The following ERC1 variants were observed in gnomAD, a reference collection of about 807,000 sequenced individuals.
ERC1 encodes ELKS/RAB6-interacting/CAST family member 1.
Under a neutral mutation model 132.0 loss-of-function variants are expected in ERC1, and 56 were observed. The observed-to-expected ratio is 0.42, with a 90% CI of 0.34 to 0.53. ERC1 has a LOEUF of 0.53. ERC1 is among the 20% of genes least tolerant of loss of function. The pLI is 0.03. For missense variants in ERC1, 1,202 were observed against 1,349.9 expected (o/e 0.89, Z 1.72); for synonymous variants, 478 against 476.1 (o/e 1.00, Z -0.05).
chr12:1,105,094 A>G (rs956751042), intron 4 of ERC1, among the ~76,000 whole-genome samples: 1 of 152,212 alleles, frequency 6.6e-6, no homozygotes, highest in African/African-American at 2.4e-5. Flanking sequence ...GGACCCCTTT[A>G]TTCTCTTAAA....
chr12:1,310,878 G>T (rs1464981466), intron 15 of ERC1, among the ~76,000 whole-genome samples: 1 of 152,256 alleles, frequency 6.6e-6, no homozygotes, highest in Non-Finnish European at 1.5e-5. Context: ...CTGCATAACT[G>T]CAGGCTTCTT....
At chr12:1,194,223 C>T (rs1452865076) in intron 12 of ERC1, among the ~76,000 whole-genome samples, 1 of 152,108 alleles carries the variant, frequency 6.6e-6, no homozygotes, top group East Asian at 1.9e-4. Context: ...GAGTTTGAGA[C>T]CAGCCTGGCC....
At chr12:1,183,489 G>GTT in intron 11 of ERC1, 68 bp downstream of exon 11, 2 of 1,053,820 alleles carry the variant, frequency 1.9e-6, no homozygotes, top group Non-Finnish European at 2.7e-6. Flanking sequence ...ACCTTAGCAT[G>GTT]TTTATATGGA....
At chr12:1,048,263 A>C (rs1264465013) in intron 2 of ERC1, among the ~76,000 whole-genome samples, 1 of 152,250 alleles carries the variant, frequency 6.6e-6, no homozygotes, top group Non-Finnish European at 1.5e-5. Context: ...CATTCCATCC[A>C]TAACCTTGAC....
chr12:1,314,444 A>G (rs2081543748), intron 15 of ERC1, among the ~76,000 whole-genome samples: 1 of 152,206 alleles, frequency 6.6e-6, no homozygotes, highest in Admixed American at 6.5e-5. Flanking sequence ...AGAAACAAGT[A>G]TTTGAGTGTA....
At chr12:1,071,287 G>T (rs924577138) in intron 2 of ERC1, among the ~76,000 whole-genome samples, 2 of 152,218 alleles carry the variant, frequency 1.3e-5, no homozygotes, top group African/African-American at 4.8e-5. Context: ...GCAGTTTTCA[G>T]TGTTGCTTCT....
chr12:1,480,877 C>CT (rs914297015), intron 18 of ERC1: 4 of 702,304 alleles, frequency 5.7e-6, no homozygotes, highest in African/African-American at 5.2e-5. Flanking sequence ...GAAAAACTGC[C>CT]TTTTTTCATG....
chr12:1,106,494 C>T (rs1945280353), intron 4 of ERC1, among the ~76,000 whole-genome samples: 1 of 151,600 alleles, frequency 6.6e-6, no homozygotes, highest in Non-Finnish European at 1.5e-5. Context: ...GTTATGGGAA[C>T]TGTTGTCTTA....
intron 8 of ERC1, among the ~76,000 whole-genome samples, chr12:1,157,255 C>T (rs1316239161): frequency 6.6e-6 from 1 of 152,200 alleles, no homozygotes; most frequent in Non-Finnish European, 1.5e-5. Context: ...GCCGCACACA[C>T]CACCATGTCC....
chr12:1,246,163 A>G (rs1361437158), intron 13 of ERC1, among the ~76,000 whole-genome samples: 1 of 152,196 alleles, frequency 6.6e-6, no homozygotes, highest in Non-Finnish European at 1.5e-5. Flanking sequence ...ATGCATATAC[A>G]TGTCCAAAAA....
intron 18 of ERC1, among the ~76,000 whole-genome samples, chr12:1,469,545 G>A (rs894072795): frequency 6.6e-6 from 1 of 152,220 alleles, no homozygotes. Flanking sequence ...CCCTCCGTGT[G>A]GGAATAAACT....
intron 18 of ERC1, among the ~76,000 whole-genome samples, chr12:1,467,225 A>G (rs1481353398): frequency 6.6e-6 from 1 of 152,230 alleles, no homozygotes; most frequent in Non-Finnish European, 1.5e-5. Context: ...GATATTGGAT[A>G]AGGCTCCGAC....
chr12:1,451,938 G>T (rs1173945510), intron 18 of ERC1, among the ~76,000 whole-genome samples: 1 of 152,120 alleles, frequency 6.6e-6, no homozygotes, highest in Non-Finnish European at 1.5e-5. Context: ...ACACACCAGG[G>T]TACACACACA....
At chr12:1,379,360 G>A (rs1489778673) in intron 16 of ERC1, among the ~76,000 whole-genome samples, 2 of 152,166 alleles carry the variant, frequency 1.3e-5, no homozygotes, top group African/African-American at 4.8e-5. Flanking sequence ...CAAGTTCCTT[G>A]CTTCCCTTGA....
At chr12:1,140,488 G>T (rs915901540) in intron 7 of ERC1, among the ~76,000 whole-genome samples, 1 of 152,182 alleles carries the variant, frequency 6.6e-6, no homozygotes, top group African/African-American at 2.4e-5. Flanking sequence ...TAAGTGTCGT[G>T]TCAGTGCTCA....
chr12:1,455,539 ATGTGCTGGTTGCAC>A (rs2093514013), intron 18 of ERC1, among the ~76,000 whole-genome samples: 1 of 152,168 alleles, frequency 6.6e-6, no homozygotes, highest in Non-Finnish European at 1.5e-5. Flanking sequence ...CATGTATAAG[ATGTGCTGGTTGCAC>A]CGCCAAGCCC....
At chr12:1,007,540 C>CTCTCTCTCTCTGTG (rs1555194875) in intron 1 of ERC1, among the ~76,000 whole-genome samples, 25 of 122,784 alleles carry the variant, frequency 2.0e-4, no homozygotes, top group Non-Finnish European at 2.7e-4. Context: ...CTCTCTCTCT[C>CTCTCTCTCTCTGTG]TGTGTGTGTG....
chr12:1,410,793 G>T (rs2091800265), intron 17 of ERC1, among the ~76,000 whole-genome samples: 1 of 151,584 alleles, frequency 6.6e-6, no homozygotes, highest in African/African-American at 2.4e-5. Flanking sequence ...CAGTGTCCTG[G>T]CAAGGTTTAT....
rs1369220939 is a variant in ERC1, at chr12:1,121,679, C to G, written c.1569+5646C>G. On this transcript the variant is annotated intron_variant, in intron 7 of 18. Coordinates refer to ENST00000360905, the MANE Select transcript of ERC1 (RefSeq NM_178040.4). ...TCTCTATCTCTATCTCTATCTCTATCTATCTCTATCTCTATCTCTATCTCT... is the reference window on the plus strand; with the variant it reads ...TCTCTATCTCTATCTCTATCTCTATGTATCTCTATCTCTATCTCTATCTCT... 1.7e-3 allele frequency among the ~76,000 whole-genome samples: 115 copies of G among 69,316 alleles called. 10 individuals carry two copies. The highest frequency in any genetic ancestry group is 2.8e-3 in the African/African-American group (50 of 17,998). 45.5% of individuals were successfully genotyped at this position (69,316 alleles called of 152,430 possible).
Sources: allele counts gnomAD v4.1 joint callset (sites outside exome capture counted in the v4.1 genomes callset), GRCh38; gene constraint gnomAD v4.1.1; transcripts MANE v1.5; gene names NCBI Gene and HGNC (gene_info 2026-07-23, HGNC 2026-07-21).